EXOC6B: variants seen among roughly 807,000 people sequenced by gnomAD.
EXOC6B encodes SEC15 homolog B.
In EXOC6B, 54 loss-of-function variants were observed where a neutral mutation model predicts 113.5. The ratio of observed to expected loss-of-function variants is 0.48; its 90% CI spans 0.38 to 0.60. The LOEUF (loss-of-function observed/expected upper bound fraction) is 0.60. Among genes scored for constraint, EXOC6B ranks in the 20% least tolerant of loss-of-function variants. The probability of loss-of-function intolerance (pLI) is 0.00; values close to 1 mark genes in which losing one functional copy is unlikely to be tolerated. For synonymous variants in EXOC6B, 357 were observed against 339.0 expected, an observed-to-expected ratio of 1.05 and a Z score of -0.58; for missense variants, 797 against 977.5, an observed-to-expected ratio of 0.82 and a Z score of 2.46.
At chr2:72,645,671 C>A (rs924637582) in intron 6 of EXOC6B, among the ~76,000 whole-genome samples, 2 of 152,170 alleles carry the variant, frequency 1.3e-5, no homozygotes. Context: ...GGAAACTGAA[C>A]AACCTGCTCC....
intron 18 of EXOC6B, chr2:72,461,580 CATTT>C (rs1697681289): frequency 6.6e-6 from 1 of 151,624 alleles, no homozygotes; most frequent in Non-Finnish European, 1.5e-5. Context: ...TTTGTGAACA[CATTT>C]GTTTGTTGGA....
rs552289205 is a variant in EXOC6B at position 72,233,470 on chromosome 2, C to T, written c.2197-49283G>A. ...GGGAAAGGGGAGAGAGGGACAGCCA[C>T]CTGGAGGATTCACACTCTCCACAGG... On this transcript the variant is annotated intron_variant, in intron 20 of 21. Coordinates refer to ENST00000272427, the MANE Select transcript of EXOC6B (RefSeq NM_015189.3). Among the ~76,000 whole-genome samples, 4 of 152,262 alleles carry T rather than the reference C, an allele frequency of 2.6e-5. No homozygotes were observed. In the South Asian group the frequency reaches 8.3e-4, roughly 32 times the overall value.
intron 18 of EXOC6B, among the ~76,000 whole-genome samples, chr2:72,411,541 G>A (rs980114739): frequency 1.3e-5 from 2 of 152,152 alleles, no homozygotes; most frequent in East Asian, 3.9e-4. Flanking sequence ...AAAGCGACAC[G>A]GAAGCTTGGT....
chr2:72,304,413 C>T (rs564738600), intron 20 of EXOC6B, among the ~76,000 whole-genome samples: 10 of 152,180 alleles, frequency 6.6e-5, no homozygotes, highest in African/African-American at 2.4e-4. Context: ...CATGCCACAC[C>T]AGTTTATACT....
At chr2:72,495,630 T>C (rs1293412110) in intron 14 of EXOC6B, 91 bp from the exon 15 acceptor site, 4 of 725,050 alleles carry the variant, frequency 5.5e-6, no homozygotes, top group Non-Finnish European at 9.4e-6. Context: ...AGAACATTCT[T>C]TCACATTGTG....
At chr2:72,364,332 T>A (rs2104995536) in intron 19 of EXOC6B, among the ~76,000 whole-genome samples, 1 of 152,208 alleles carries the variant, frequency 6.6e-6, no homozygotes, top group Admixed American at 6.5e-5. Flanking sequence ...CAATCAGGAA[T>A]GAAACATTAA....
chr2:72,192,729 A>T (rs751629071), intron 20 of EXOC6B, among the ~76,000 whole-genome samples: 1 of 152,198 alleles, frequency 6.6e-6, no homozygotes. Flanking sequence ...GATTTTCTTT[A>T]CATGCATGTT....
chr2:72,486,491 A>T (rs989102112), intron 16 of EXOC6B, among the ~76,000 whole-genome samples: 9 of 151,992 alleles, frequency 5.9e-5, no homozygotes, highest in African/African-American at 2.2e-4. Context: ...GCACAAATCA[A>T]TTTTTTTTAC....
chr2:72,631,739 A>G (rs1260329409), intron 6 of EXOC6B, among the ~76,000 whole-genome samples: 1 of 151,936 alleles, frequency 6.6e-6, no homozygotes, highest in East Asian at 1.9e-4. Context: ...CCTAAGCTCA[A>G]GCAATCCACC....
chr2:72,451,339 C>A (rs1004776049), intron 18 of EXOC6B, among the ~76,000 whole-genome samples: 8 of 152,140 alleles, frequency 5.3e-5, no homozygotes, highest in Non-Finnish European at 1.2e-4. Flanking sequence ...ACCTCCTAAT[C>A]CTAAGATTAT....
chr2:72,670,623 G>A (rs1675721742), intron 6 of EXOC6B, among the ~76,000 whole-genome samples: 1 of 152,154 alleles, frequency 6.6e-6, no homozygotes, highest in African/African-American at 2.4e-5. Flanking sequence ...TGGCATTCAA[G>A]ACTCTGTGAT....
At chr2:72,628,436 A>G (rs899915990) in intron 6 of EXOC6B, among the ~76,000 whole-genome samples, 3 of 152,086 alleles carry the variant, frequency 2.0e-5, no homozygotes, top group African/African-American at 7.2e-5. Context: ...GCCCTAGAAA[A>G]TTATTTTTAA....
In EXOC6B at chr2:72,503,386, T is replaced by G. The variant is rs190885804; in HGVS notation, c.1168-3414A>C. 1.5e-3 allele frequency among the ~76,000 whole-genome samples: 227 copies of G among 152,302 alleles called. 1 individual carries two copies. Among genetic ancestry groups the G allele is most frequent in the African/African-American group, 5.3e-3 (221 of 41,574 alleles). On this transcript the variant is annotated intron_variant, in intron 11 of 21. Coordinates refer to ENST00000272427, the MANE Select transcript of EXOC6B (RefSeq NM_015189.3). ...TCTCCCAACCCCCAGGCAACAGGGATAGTTTTCTTGTCTCCATAGTTTTGC... is the reference window on the plus strand; with the variant it reads ...TCTCCCAACCCCCAGGCAACAGGGAGAGTTTTCTTGTCTCCATAGTTTTGC...
intron 8 of EXOC6B, among the ~76,000 whole-genome samples, chr2:72,543,891 T>A (rs2105798563): frequency 6.6e-6 from 1 of 152,332 alleles, no homozygotes. Flanking sequence ...AGAGACGGAC[T>A]AGGAGTTACC....
At chr2:72,658,290 A>AAAAAAAAAAAAAAAAAAAAAAG in intron 6 of EXOC6B, among the ~76,000 whole-genome samples, 1 of 2,956 alleles carries the variant, frequency 3.4e-4, no homozygotes, top group Non-Finnish European at 9.0e-4. Flanking sequence ...AACTAGTAAA[A>AAAAAAAAAAAAAAAAAAAAAAG]AAAAAAAAAA....
intron 8 of EXOC6B, among the ~76,000 whole-genome samples, chr2:72,538,530 T>A (rs767010818): frequency 6.6e-6 from 1 of 152,088 alleles, no homozygotes; most frequent in Non-Finnish European, 1.5e-5. Context: ...TGGCGATGAG[T>A]CTTTGGTGTG....
At chr2:72,224,057 G>A (rs879418404) in intron 20 of EXOC6B, among the ~76,000 whole-genome samples, 3 of 151,988 alleles carry the variant, frequency 2.0e-5, no homozygotes, top group South Asian at 2.1e-4. Flanking sequence ...GCACCTAAAC[G>A]AGGATTTTTG....
intron 20 of EXOC6B, among the ~76,000 whole-genome samples, chr2:72,325,627 G>A (rs1688086494): frequency 6.6e-6 from 1 of 151,780 alleles, no homozygotes; most frequent in South Asian, 2.1e-4. Context: ...TCTCATTCAT[G>A]AGCTAGCATT....
chr2:72,631,461 TAGAGAGAGAGAGAG>T (rs372313608), intron 6 of EXOC6B, among the ~76,000 whole-genome samples: 172 of 9,574 alleles, frequency 0.018, 1 homozygote, highest in African/African-American at 0.034. Context: ...TATATATATA[TAGAGAGAGAGAGAG>T]AGAGAGAGAG....
Sources: gnomAD v4.1 joint callset for allele counts (sites outside exome capture counted in the v4.1 genomes callset) on GRCh38, gnomAD v4.1.1 for gene constraint, MANE v1.5 for transcripts, NCBI Gene and HGNC (gene_info 2026-07-23, HGNC 2026-07-21) for gene names.